Variants in CTNND2 observed in about 807,000 individuals in gnomAD.
The protein encoded by CTNND2 is catenin delta-2.
In CTNND2, 22 loss-of-function variants were observed where a neutral mutation model predicts 144.4. The ratio of observed to expected loss-of-function variants is 0.15; its 90% CI spans 0.11 to 0.22. The LOEUF (loss-of-function observed/expected upper bound fraction) is 0.22. Ranked by LOEUF, CTNND2 falls within the 10% of genes least tolerant of loss-of-function variation. The probability of loss-of-function intolerance (pLI) is 1.00; values close to 1 mark genes in which losing one functional copy is unlikely to be tolerated. For synonymous variants in CTNND2, 751 were observed against 695.6 expected (o/e 1.08, Z -1.25); for missense variants, 1,353 against 1,618.8 (o/e 0.84, Z 2.82).
chr5:11,014,361 C>T (rs1323854805), intron 18 of CTNND2, among the ~76,000 whole-genome samples: 4 of 152,206 alleles, frequency 2.6e-5, no homozygotes, highest in South Asian at 2.1e-4. Flanking sequence ...TCCTACTTCT[C>T]TTGTACCCCG....
At chr5:11,795,856 A>G (rs898351436) in intron 1 of CTNND2, among the ~76,000 whole-genome samples, 2 of 152,260 alleles carry the variant, frequency 1.3e-5, no homozygotes, top group African/African-American at 4.8e-5. Flanking sequence ...ACACAAAGTT[A>G]GTACATTACA....
intron 2 of CTNND2, among the ~76,000 whole-genome samples, chr5:11,589,265 C>T (rs1482745754): frequency 2.8e-5 from 4 of 141,702 alleles, no homozygotes. Context: ...TCTTAGCTAT[C>T]TGTATGTTAA....
chr5:11,462,693 G>C (rs1366096866), intron 3 of CTNND2, among the ~76,000 whole-genome samples: 1 of 151,740 alleles, frequency 6.6e-6, no homozygotes, highest in East Asian at 1.9e-4. Flanking sequence ...CATTAGTTGG[G>C]GTGCTCGAAA....
chr5:11,755,955 A>G (rs1285209090), intron 1 of CTNND2, among the ~76,000 whole-genome samples: 1 of 151,610 alleles, frequency 6.6e-6, no homozygotes, highest in African/African-American at 2.4e-5. Flanking sequence ...CAATCATTTT[A>G]GCCTGGTGAA....
chr5:11,327,089 C>T (rs182855127), intron 9 of CTNND2, among the ~76,000 whole-genome samples: 11 of 152,276 alleles, frequency 7.2e-5, no homozygotes, highest in Admixed American at 2.6e-4. Flanking sequence ...CCAGGGTCCA[C>T]GTTGAGGCAT....
At chr5:11,630,940 G>A (rs1228029637) in intron 2 of CTNND2, among the ~76,000 whole-genome samples, 2 of 149,406 alleles carry the variant, frequency 1.3e-5, no homozygotes, top group African/African-American at 5.0e-5. Flanking sequence ...GGCAACAAGA[G>A]CGAAACTCCA....
At chr5:11,639,797 A>G (rs946633664) in intron 2 of CTNND2, among the ~76,000 whole-genome samples, 2 of 152,206 alleles carry the variant, frequency 1.3e-5, no homozygotes, top group African/African-American at 4.8e-5. Flanking sequence ...CAGCATGGAA[A>G]CTAAACATAC....
intron 2 of CTNND2, among the ~76,000 whole-genome samples, chr5:11,715,276 T>C (rs964083082): frequency 1.3e-5 from 2 of 152,210 alleles, no homozygotes; most frequent in African/African-American, 4.8e-5. Flanking sequence ...CCAAATGCTT[T>C]ATTGAAATCA....
intron 10 of CTNND2, among the ~76,000 whole-genome samples, chr5:11,227,451 T>G (rs922381386): frequency 1.3e-5 from 2 of 152,212 alleles, no homozygotes; most frequent in Non-Finnish European, 2.9e-5. Context: ...CTACTGATAT[T>G]TAATCAAAGA....
chr5:11,736,887 C>G (rs139028642), intron 1 of CTNND2, among the ~76,000 whole-genome samples: 191 of 152,222 alleles, frequency 1.3e-3, no homozygotes, highest in Non-Finnish European at 2.4e-3. Context: ...TAATAAGGTA[C>G]TAATGCAAGG....
intron 3 of CTNND2, among the ~76,000 whole-genome samples, chr5:11,550,300 C>A (rs1377580512): frequency 1.3e-5 from 2 of 152,188 alleles, no homozygotes; most frequent in African/African-American, 4.8e-5. Context: ...TGGCTACTAC[C>A]TCCTTAAATT....
At chr5:11,785,688 A>G (rs1790792499) in intron 1 of CTNND2, among the ~76,000 whole-genome samples, 1 of 152,128 alleles carries the variant, frequency 6.6e-6, no homozygotes, top group Non-Finnish European at 1.5e-5. Flanking sequence ...TATTATCAAA[A>G]TCTACCTTGC....
At chr5:11,706,545 G>A (rs1241797204) in intron 2 of CTNND2, among the ~76,000 whole-genome samples, 1 of 152,112 alleles carries the variant, frequency 6.6e-6, no homozygotes, top group Non-Finnish European at 1.5e-5. Flanking sequence ...TACAGAGTGC[G>A]TCATCACACT....
In CTNND2 at chr5:11,865,912, AAAAC is replaced by A. The variant is rs966045817; in HGVS notation, c.37+37901_37+37904del. On this transcript the variant is annotated intron_variant, in intron 1 of 21. Transcript: ENST00000304623. ...AGAAGCTGGAAGAGACAAAAAAAAA[AAAAC>A]GAGTTCTCCTCTAGAGCCTCCAGAA... 6.0e-5 allele frequency among the ~76,000 whole-genome samples: 9 copies of A among 150,938 alleles called. 1 individual carries two copies. The South Asian group carries it at 1.5e-3, about 25-fold the overall frequency.
intron 1 of CTNND2, among the ~76,000 whole-genome samples, chr5:11,740,419 G>C (rs1787936022): frequency 6.6e-6 from 1 of 152,098 alleles, no homozygotes; most frequent in African/African-American, 2.4e-5. Flanking sequence ...TGACAAACCT[G>C]ACAAAAACAA....
chr5:11,364,890 G>C lies in CTNND2; in HGVS notation c.1178C>G (p.Ala393Gly). Residue 393 changes from alanine (A) to glycine (G), a missense_variant and splice_region_variant, in exon 8 of 22, where the codon GCT becomes GGT. This residue lies in a region of CTNND2 where 708 missense variants were observed against 706.4 expected (regional missense o/e 1.00). Transcript: ENST00000304623. ...ATLQRPGSLA[A>G]GSRASYSSQH... ...GCTGCTGTATGAGGCTCGGGAACCA[G>C]CTGAAATAAATCAACAGAGGGACAT... 6.2e-7 allele frequency: 1 copy of C among 1,610,014 alleles called. No homozygotes were observed. Among genetic ancestry groups the C allele is most frequent in the Non-Finnish European group, 8.5e-7 (1 of 1,178,426 alleles).
chr5:11,383,139 A>C (rs750081870), intron 7 of CTNND2, among the ~76,000 whole-genome samples: 2 of 152,142 alleles, frequency 1.3e-5, no homozygotes, highest in Admixed American at 6.5e-5. Flanking sequence ...CCATGGGAGA[A>C]AGAACTGGAA....
intron 3 of CTNND2, among the ~76,000 whole-genome samples, chr5:11,550,350 C>T (rs1166476218): frequency 6.6e-6 from 1 of 152,132 alleles, no homozygotes; most frequent in South Asian, 2.1e-4. Context: ...ATATGACAAG[C>T]AATACATGAG....
intron 2 of CTNND2, among the ~76,000 whole-genome samples, chr5:11,628,063 A>T (rs1781244348): frequency 6.6e-6 from 1 of 151,966 alleles, no homozygotes. Flanking sequence ...GTGCCAATCC[A>T]TGGCCCAGGG....
Sources: gnomAD v4.1 joint callset for allele counts (sites outside exome capture counted in the v4.1 genomes callset) on GRCh38, gnomAD v4.1.1 for gene constraint, gnomAD v4.1.1 regional missense constraint, MANE v1.5 for transcripts, NCBI Gene and HGNC (gene_info 2026-07-23, HGNC 2026-07-21) for gene names.